Variants in HIVEP3 observed in about 807,000 individuals in gnomAD.
HIVEP3 encodes the protein HIVEP zinc finger 3.
In HIVEP3, 49 loss-of-function variants were observed where a neutral mutation model predicts 152.8. That is an observed-to-expected ratio of 0.32 (90% confidence interval 0.26 to 0.41). The LOEUF (loss-of-function observed/expected upper bound fraction) is 0.41. Ranked by LOEUF, HIVEP3 falls within the 10% of genes least tolerant of loss-of-function variation. The pLI, the probability that HIVEP3 is intolerant of heterozygous loss-of-function variation, is 1.00. For missense variants in HIVEP3, 2,790 were observed against 3,103.3 expected (o/e 0.90, Z 2.40); for synonymous variants, 1,269 against 1,289.0 (o/e 0.98, Z 0.33).
chr1:41,938,826 T>C (rs1228502689), intron 1 of HIVEP3, among the ~76,000 whole-genome samples: 1 of 152,228 alleles, frequency 6.6e-6, no homozygotes, highest in Non-Finnish European at 1.5e-5. Context: ...CTAGGAATTT[T>C]CATCAGACTC....
intron 1 of HIVEP3, among the ~76,000 whole-genome samples, chr1:41,708,243 C>T (rs1309220439): frequency 6.6e-6 from 1 of 152,218 alleles, no homozygotes; most frequent in Non-Finnish European, 1.5e-5. Flanking sequence ...CGTTTACCTC[C>T]ACATGGGAAG....
chr1:41,521,925 C>T (rs1642769658), intron 6 of HIVEP3, among the ~76,000 whole-genome samples: 1 of 152,264 alleles, frequency 6.6e-6, no homozygotes, highest in South Asian at 2.1e-4. Context: ...ATGGGACCCC[C>T]AGCCACCACA....
rs146957345 is a variant in HIVEP3, at chr1:41,514,927, T to C, written c.5471-1177A>G. 6.3e-3 allele frequency among the ~76,000 whole-genome samples: 962 copies of C among 152,344 alleles called. 7 individuals are homozygous for C. Among genetic ancestry groups the C allele is most frequent in the African/African-American group, 0.022 (927 of 41,580 alleles). ...GCCTCCTGGTCTGATTCCTCTGGGATGACCCCAACCAGTCGGGTCACCTCT... is the reference window on the plus strand; with the variant it reads ...GCCTCCTGGTCTGATTCCTCTGGGACGACCCCAACCAGTCGGGTCACCTCT... On this transcript the variant is annotated intron_variant, in intron 7 of 8. Coordinates refer to ENST00000372583, the MANE Select transcript of HIVEP3 (RefSeq NM_024503.5).
chr1:41,807,599 C>A (rs1650711990), intron 1 of HIVEP3, among the ~76,000 whole-genome samples: 2 of 152,166 alleles, frequency 1.3e-5, no homozygotes, highest in African/African-American at 4.8e-5. Context: ...CTGTCACCTC[C>A]AGCAAGGTGT....
intron 1 of HIVEP3, among the ~76,000 whole-genome samples, chr1:41,750,371 G>C (rs988514255): frequency 6.6e-6 from 1 of 152,198 alleles, no homozygotes. Flanking sequence ...TGAATGACTG[G>C]AGTCCAAAAT....
intron 1 of HIVEP3, among the ~76,000 whole-genome samples, chr1:41,802,614 A>G (rs752996727): frequency 2.6e-5 from 4 of 152,220 alleles, no homozygotes; most frequent in African/African-American, 7.2e-5. Flanking sequence ...AGGCATTGCC[A>G]AAGTGCCAAC....
rs895203056 is a variant in HIVEP3, at chr1:41,873,334, G to A, written c.-801+45079C>T. On this transcript the variant is annotated intron_variant, in intron 1 of 8. Coordinates refer to ENST00000372583, the MANE Select transcript of HIVEP3 (RefSeq NM_024503.5). This position sits in a 1 kb window ranked among gnomAD's most constrained non-coding sequence, Gnocchi z 4.2. ...GGACTTGGGGGTACCACTAGGCCCC[G>A]GGGACATGCACTCAGCTGGCCCAGG... is the stretch of plus-strand genomic sequence containing the variant. Among the ~76,000 whole-genome samples the A allele has an allele frequency of 3.9e-5, 6 of 152,180 alleles. No homozygotes were observed. The highest frequency in any genetic ancestry group is 1.3e-4 in the Admixed American group (2 of 15,284).
rs1201064678 is a variant in HIVEP3 at position 41,509,975 on chromosome 1, G to A, written c.*476C>T. On this transcript the variant is annotated 3_prime_UTR_variant, in exon 9 of 9. Transcript: ENST00000372583. ...GAGAGGGGTGGCTACGAGCTGGGCA[G>A]GGGGGTGAAGTGGCAATAAACAGGA... The A allele has an allele frequency of 6.6e-6, 1 of 152,568 alleles. No individual in the cohort carries two copies. The highest frequency in any genetic ancestry group is 2.4e-5 in the African/African-American group (1 of 41,434). The allele number at this position is 152,568 out of a possible 1,614,324, so 9.5% of individuals were successfully genotyped here.
At chr1:41,654,520 G>A (rs374976950) in intron 2 of HIVEP3, among the ~76,000 whole-genome samples, 1 of 152,162 alleles carries the variant, frequency 6.6e-6, no homozygotes, top group East Asian at 1.9e-4. Flanking sequence ...TGCAAAGATA[G>A]AACAGAGACC....
intron 1 of HIVEP3, among the ~76,000 whole-genome samples, chr1:41,738,140 G>C (rs746836127): frequency 1.3e-5 from 2 of 152,206 alleles, no homozygotes; most frequent in Non-Finnish European, 1.5e-5. Flanking sequence ...CCAGTGGGAG[G>C]GACACCCCAT....
At chr1:41,770,558 G>GC (rs1191184167) in intron 1 of HIVEP3, among the ~76,000 whole-genome samples, 4 of 152,006 alleles carry the variant, frequency 2.6e-5, no homozygotes, top group African/African-American at 7.3e-5. Context: ...GTTGTCATGC[G>GC]CCCCCCAATA....
intron 5 of HIVEP3, among the ~76,000 whole-genome samples, chr1:41,570,439 C>T (rs1165902684): frequency 2.0e-5 from 3 of 152,134 alleles, no homozygotes; most frequent in African/African-American, 7.2e-5. Context: ...GTTTCATAAG[C>T]GTTTGGTAGT....
chr1:41,622,283 C>T (rs925953973), intron 3 of HIVEP3, among the ~76,000 whole-genome samples: 8 of 152,114 alleles, frequency 5.3e-5, no homozygotes, highest in African/African-American at 1.7e-4. Context: ...AGTAAAGGTC[C>T]TAATGCCATG....
At chr1:41,866,900 C>T (rs2124407595) in intron 1 of HIVEP3, among the ~76,000 whole-genome samples, 1 of 152,356 alleles carries the variant, frequency 6.6e-6, no homozygotes, top group Non-Finnish European at 1.5e-5. Flanking sequence ...TGACTTAAAC[C>T]TTGACTGTGT....
chr1:41,659,108 T>G (rs772351273), intron 2 of HIVEP3, among the ~76,000 whole-genome samples: 2 of 152,264 alleles, frequency 1.3e-5, no homozygotes, highest in African/African-American at 4.8e-5. Flanking sequence ...GGCAAGAATA[T>G]CAGCAGCGAA....
At chr1:42,001,905 G>C (rs565230223) in intron 1 of HIVEP3, among the ~76,000 whole-genome samples, 1 of 151,982 alleles carries the variant, frequency 6.6e-6, no homozygotes, top group Admixed American at 6.5e-5. Flanking sequence ...CTGGGGGGTA[G>C]CCCGGGCCTG....
In HIVEP3 at chr1:41,582,350, A is replaced by G; in HGVS notation, c.2448T>C (p.Ser816=). 6.2e-7 allele frequency: 1 copy of G among 1,614,100 alleles called. No homozygotes were observed. Among genetic ancestry groups the G allele is most frequent in the Non-Finnish European group, 8.5e-7 (1 of 1,179,996 alleles). The change falls in exon 4 of 9, where the codon AGT becomes AGC. Residue 816 remains serine, a synonymous_variant. Transcript: ENST00000372583. The surrounding 1 kb of genome is among the most constrained non-coding windows in gnomAD (Gnocchi z 4.7). ...GAGGTTTGTCTTCCCCTTCCAAGCC[A>G]CTCGGCTGCTCGAGAGAATCAGATT... is the stretch of plus-strand genomic sequence containing the variant. The part of the protein sequence containing the change: ...FEKSDSLEQP[S]GLEGEDKPLA...
chr1:42,018,329 C>T (rs1444530332), intron 1 of HIVEP3, among the ~76,000 whole-genome samples: 2 of 151,114 alleles, frequency 1.3e-5, no homozygotes, highest in East Asian at 3.9e-4. Flanking sequence ...CAGATATTCT[C>T]TTATGTTTTC....
At position 41,674,679 on chromosome 1, in the gene HIVEP3, C is replaced by G. The variant is rs145739538; in HGVS notation, c.-721+26237G>C. On this transcript the variant is annotated intron_variant, in intron 2 of 8. Transcript: ENST00000372583. ...GGTTATCCCAGCCCCACCCGGCTGC[C>G]GGCCACCAGGATGGAATCCTCACGC... Among the ~76,000 whole-genome samples the G allele has an allele frequency of 7.2e-5, 11 of 152,282 alleles. No individual in the cohort carries two copies. The East Asian group carries it at 2.1e-3, about 29-fold the overall frequency.
Sources: allele counts gnomAD v4.1 joint callset (sites outside exome capture counted in the v4.1 genomes callset), GRCh38; gene constraint gnomAD v4.1.1; non-coding constraint Gnocchi (gnomAD v3.1); transcripts MANE v1.5; gene names NCBI Gene and HGNC (gene_info 2026-07-23, HGNC 2026-07-21).